The following PSG7 variants were observed in gnomAD, a reference collection of about 807,000 sequenced individuals.
The protein encoded by PSG7 is pregnancy-specific beta-1-glycoprotein 7.
PSG7 carries 57 observed loss-of-function variants against 45.6 expected under a neutral mutation model. The ratio of observed to expected loss-of-function variants is 1.25; its 90% CI spans 1.01 to 1.56. The LOEUF is 1.56. PSG7 is among the 40% of genes most tolerant of loss of function. The probability of loss-of-function intolerance (pLI) is 0.00; values close to 1 mark genes in which losing one functional copy is unlikely to be tolerated. For missense variants in PSG7, 796 were observed against 508.4 expected, an observed-to-expected ratio of 1.57 and a Z score of -5.44; for synonymous variants, 298 against 194.4, an observed-to-expected ratio of 1.53 and a Z score of -4.43.
chr19:42,925,067 T>G, intron 5 of PSG7: 1 of 536,336 alleles, frequency 1.9e-6, no homozygotes, highest in Non-Finnish European at 3.3e-6. Context: ...TAAAATTTTC[T>G]TTGCTGTAAG....
At position 42,926,104 on chromosome 19, in the gene PSG7, G is replaced by A. The variant is rs1336150853; in HGVS notation, c.989-77C>T. On this transcript the variant is annotated intron_variant, in intron 4 of 5. Coordinates refer to ENST00000406070, the MANE Select transcript of PSG7 (RefSeq NM_002783.3). ...GCTCCTGGTCTCTTAAAGGGACAGA[G>A]TGACCCTCTGAGCCGAGACACACCC... is the stretch of plus-strand genomic sequence containing the variant. 26 of 1,565,778 alleles carry A rather than the reference G, an allele frequency of 1.7e-5. 1 individual carries two copies. The highest frequency in any genetic ancestry group is 2.3e-5 in the Non-Finnish European group (26 of 1,153,852).
Position 42,929,422 on chromosome 19 carries a change from G to C in PSG7, c.709+20C>G, listed in dbSNP as rs373417791. ...ATTTGGGATGGCAGCCTGGCTAACAGAGGAACAGAAGATACTCACGGAGGA... is the reference window on the plus strand; with the variant it reads ...ATTTGGGATGGCAGCCTGGCTAACACAGGAACAGAAGATACTCACGGAGGA... On this transcript the variant is annotated intron_variant, in intron 3 of 5. Coordinates refer to ENST00000406070, the MANE Select transcript of PSG7 (RefSeq NM_002783.3). The C allele has an allele frequency of 6.0e-5, 97 of 1,612,192 alleles. No homozygotes were observed. The highest frequency in any genetic ancestry group is 5.0e-4 in the Middle Eastern group (3 of 6,058).
rs982131323 is a variant in PSG7, at chr19:42,936,058, G to T, written c.65-289C>A. ...TTCTGTTTGGAATCCTCTTCCCCAG[G>T]GGTCCGCACGGCCCCCTCCACACTG... On this transcript the variant is annotated intron_variant, in intron 1 of 5. Transcript: ENST00000406070. 18 of 464,196 alleles carry T rather than the reference G, an allele frequency of 3.9e-5. No individual in the cohort carries two copies. In the Admixed American group the frequency reaches 7.0e-4, roughly 18 times the overall value. The allele number at this position is 464,196 out of a possible 1,614,324, so 28.8% of individuals were successfully genotyped here. A position where few individuals can be genotyped will look rare whatever the true frequency, so the allele number is the denominator to read the frequency against.
intron 2 of PSG7, among the ~76,000 whole-genome samples, chr19:42,934,133 G>GGGA (rs1973095098): frequency 6.6e-6 from 1 of 151,512 alleles, no homozygotes; most frequent in Non-Finnish European, 1.5e-5. Flanking sequence ...ATCCTCTCAT[G>GGGA]ACAGTGACAT....
At chr19:42,925,114 C>T (rs953580144) in intron 5 of PSG7, 2 of 461,680 alleles carry the variant, frequency 4.3e-6, no homozygotes, top group Admixed American at 7.4e-5. Context: ...CTTTACAAAA[C>T]TCTTGAGAAT....
chr19:42,929,166 G>A lies in PSG7; in HGVS notation c.709+276C>T, dbSNP rs980107487. On this transcript the variant is annotated intron_variant, in intron 3 of 5. Transcript: ENST00000406070. Reference sequence around the variant, plus strand: ...ACACTGAAGTCCCAGCCAAATCCCCGCTGTGTTCATGATCTGGAGCCTGAG... The same window carrying A: ...ACACTGAAGTCCCAGCCAAATCCCCACTGTGTTCATGATCTGGAGCCTGAG... The A allele has an allele frequency of 1.2e-4, 80 of 691,128 alleles. 1 individual carries two copies. The highest frequency in any genetic ancestry group is 3.9e-4 in the Middle Eastern group (1 of 2,592). 42.8% of individuals were successfully genotyped at this position (691,128 alleles called of 1,614,324 possible).
chr19:42,929,771 C>T lies in PSG7; in HGVS notation c.431-51G>A, dbSNP rs372758199. ...GCCCTGTGTGGCACCTTTGACTCCTCCAAAGGCATTTTTCAATCAGAGTTG... is the reference window on the plus strand; with the variant it reads ...GCCCTGTGTGGCACCTTTGACTCCTTCAAAGGCATTTTTCAATCAGAGTTG... On this transcript the variant is annotated intron_variant, in intron 2 of 5. Coordinates refer to ENST00000406070, the MANE Select transcript of PSG7 (RefSeq NM_002783.3). 9.5e-5 allele frequency: 150 copies of T among 1,573,120 alleles called. 2 individuals carry two copies. Among genetic ancestry groups the T allele is most frequent in the Non-Finnish European group, 1.3e-4 (148 of 1,158,540 alleles).
At chr19:42,933,785 G>C (rs575778137) in intron 2 of PSG7, among the ~76,000 whole-genome samples, 15 of 151,180 alleles carry the variant, frequency 9.9e-5, no homozygotes, top group Middle Eastern at 6.8e-3. Context: ...TGACCCCAGG[G>C]ACAAGGTGCC....
In PSG7 at chr19:42,929,725, G is replaced by T; in HGVS notation, c.431-5C>A. On this transcript the variant is annotated splice_polypyrimidine_tract_variant and splice_region_variant and intron_variant, in intron 2 of 5. Coordinates refer to ENST00000406070, the MANE Select transcript of PSG7 (RefSeq NM_002783.3). ...TGGAGGGTTTGGGAGTCTCCACTGT[G>T]CGGAAAACAGAGAGAAGATTGCCCT... 6.2e-7 allele frequency: 1 copy of T among 1,610,292 alleles called. No individual in the cohort carries two copies. Among genetic ancestry groups the T allele is most frequent in the East Asian group, 2.2e-5 (1 of 44,784 alleles).
At chr19:42,931,958 T>C (rs570104637) in intron 2 of PSG7, among the ~76,000 whole-genome samples, 1 of 151,770 alleles carries the variant, frequency 6.6e-6, no homozygotes, top group South Asian at 2.1e-4. Flanking sequence ...ATTCTCAAGC[T>C]AGGTATTCTT....
At chr19:42,935,875 C>CAG in intron 1 of PSG7, 106 bp from the exon 2 acceptor site, 1 of 241,086 alleles carries the variant, frequency 4.1e-6, no homozygotes, top group Non-Finnish European at 5.8e-6. Context: ...GCCTTGAAGA[C>CAG]ACACACACAC....
rs886464729 is a variant in PSG7, at chr19:42,924,182, C to G, written c.*626G>C. ...TCTGCTAGAATCAGTCTTACTGTCACGTTTTACAATGTATCTCTTAGGAAA... is the reference window on the plus strand; with the variant it reads ...TCTGCTAGAATCAGTCTTACTGTCAGGTTTTACAATGTATCTCTTAGGAAA... On this transcript the variant is annotated 3_prime_UTR_variant, in exon 6 of 6. Transcript: ENST00000406070. 5.7e-6 allele frequency: 1 copy of G among 175,538 alleles called. No individual in the cohort carries two copies. The highest frequency in any genetic ancestry group is 2.4e-5 in the African/African-American group (1 of 42,028). 10.9% of individuals were successfully genotyped at this position (175,538 alleles called of 1,614,324 possible).
At chr19:42,933,293 A>T (rs562269137) in intron 2 of PSG7, among the ~76,000 whole-genome samples, 321 of 10,536 alleles carry the variant, frequency 0.03, 36 homozygotes, top group African/African-American at 0.087. Context: ...ATATATATAT[A>T]TATATATATA....
rs186088338 is a variant in PSG7 at position 42,925,294 on chromosome 19, C to G, written c.1244-470G>C. The stretch of plus-strand genomic sequence containing the variant: ...GTTGTTACTCTGTTTGTGCAAATAT[C>G]TGTATTACCATAAACATATCAATAC... On this transcript the variant is annotated intron_variant, in intron 5 of 5. Transcript: ENST00000406070. The G allele has an allele frequency of 1.3e-4, 41 of 314,744 alleles. 2 individuals carry two copies. In the East Asian group the frequency reaches 1.5e-3, roughly 12 times the overall value. 19.5% of individuals were successfully genotyped at this position (314,744 alleles called of 1,614,324 possible). A position where few individuals can be genotyped will look rare whatever the true frequency, so the allele number is the denominator to read the frequency against.
chr19:42,925,471 A>G, intron 5 of PSG7: 2 of 758,730 alleles, frequency 2.6e-6, no homozygotes, highest in Non-Finnish European at 3.8e-6. Context: ...CTATCCACAT[A>G]AAGAATCAGC....
chr19:42,934,019 C>T (rs1035492438), intron 2 of PSG7, among the ~76,000 whole-genome samples: 30 of 151,524 alleles, frequency 2.0e-4, no homozygotes, highest in African/African-American at 7.0e-4. Context: ...TTTCTGCATT[C>T]AATTCCTTTA....
In PSG7 at chr19:42,924,244, G is replaced by A. The variant is rs192222876; in HGVS notation, c.*564C>T. 18 of 239,204 alleles carry A rather than the reference G, an allele frequency of 7.5e-5. No homozygotes were observed. Among genetic ancestry groups the A allele is most frequent in the Middle Eastern group, 1.4e-3 (1 of 738 alleles). The allele number at this position is 239,204 out of a possible 1,614,324, so 14.8% of individuals were successfully genotyped here. On this transcript the variant is annotated 3_prime_UTR_variant, in exon 6 of 6. Coordinates refer to ENST00000406070, the MANE Select transcript of PSG7 (RefSeq NM_002783.3). ...ATCCACACAATGTGCATTTAAAGGG[G>A]AGTCTACTATAATTTCAGCTTTCCT...
intron 3 of PSG7, among the ~76,000 whole-genome samples, chr19:42,928,093 C>G (rs746605194): frequency 1.3e-5 from 2 of 151,412 alleles, no homozygotes; most frequent in Non-Finnish European, 2.9e-5. Flanking sequence ...TCTCTCACCA[C>G]GTTTCTAGCT....
intron 2 of PSG7, among the ~76,000 whole-genome samples, chr19:42,934,877 G>A (rs1356316054): frequency 6.6e-6 from 1 of 151,714 alleles, no homozygotes; most frequent in Admixed American, 6.6e-5. Context: ...CCTGGCTGGT[G>A]AACAGCTGCA....
Sources: allele counts gnomAD v4.1 joint callset (sites outside exome capture counted in the v4.1 genomes callset), GRCh38; gene constraint gnomAD v4.1.1; transcripts MANE v1.5; gene names NCBI Gene and HGNC (gene_info 2026-07-23, HGNC 2026-07-21).